Variants in SCAP observed in about 807,000 individuals in gnomAD.
The protein encoded by SCAP is SREBF chaperone.
Under a neutral mutation model 123.6 loss-of-function variants are expected in SCAP, and 65 were observed. That is an observed-to-expected ratio of 0.53 (90% CI 0.43 to 0.65). The LOEUF (loss-of-function observed/expected upper bound fraction) is 0.65, where lower values mean the gene tolerates loss of function less well. Ranked by LOEUF, SCAP falls within the 30% of genes least tolerant of loss-of-function variation. The probability of loss-of-function intolerance (pLI) is 0.00; values close to 1 mark genes in which losing one functional copy is unlikely to be tolerated. For missense variants in SCAP, 1,398 were observed against 1,712.5 expected (o/e 0.82, Z 3.24); for synonymous variants, 740 against 726.3 (o/e 1.02, Z -0.30).
intron 2 of SCAP, among the ~76,000 whole-genome samples, chr3:47,437,575 TAA>T (rs79094378): frequency 7.1e-6 from 1 of 141,564 alleles, no homozygotes. Context: ...ACGCCATCCC[TAA>T]AAAAAAAAAA....
intron 1 of SCAP, among the ~76,000 whole-genome samples, chr3:47,468,171 A>ACT (rs1263144093): frequency 6.6e-6 from 1 of 152,194 alleles, no homozygotes; most frequent in Non-Finnish European, 1.5e-5. Flanking sequence ...ATAGTGCCGT[A>ACT]ATAAACATAC....
chr3:47,420,795 G>C lies in SCAP; in HGVS notation c.1345-23C>G. The C allele has an allele frequency of 1.2e-6, 2 of 1,607,016 alleles. No individual in the cohort carries two copies. Among genetic ancestry groups the C allele is most frequent in the Non-Finnish European group, 1.7e-6 (2 of 1,176,364 alleles). ...TAGCTGTTGGGGGCACAGTGGTCAG[G>C]GCCTGAGTCCACCATCCAGAGGCTG... On this transcript the variant is annotated intron_variant, in intron 11 of 22. Transcript: ENST00000265565. The surrounding 1 kb of genome is among the most constrained non-coding windows in gnomAD (Gnocchi z 5.0).
chr3:47,415,163 A>G lies in SCAP; in HGVS notation c.3074T>C (p.Leu1025Pro), dbSNP rs146394177. The part of the protein sequence containing the change: ...FLDKRIVAAR[L>P]NGSLDFFSLE... ...GGAGAAGAAATCAAGGGAACCGTTG[A>G]GCCGTGCAGCCACAATCCTGGAAGA... Residue 1025 changes from leucine to proline, a missense_variant, in exon 19 of 23, where the codon CTC becomes CCC. Around this residue, in one of 7 missense-constraint regions of SCAP, gnomAD observed 828 missense variants for 882.5 expected, o/e 0.94. Coordinates refer to ENST00000265565, the MANE Select transcript of SCAP (RefSeq NM_012235.4). 1.6e-5 allele frequency: 25 copies of G among 1,611,978 alleles called. No homozygotes were observed. Among genetic ancestry groups the G allele is most frequent in the Non-Finnish European group, 1.9e-5 (23 of 1,179,502 alleles).
At chr3:47,463,972 C>T (rs367963303) in intron 1 of SCAP, among the ~76,000 whole-genome samples, 7 of 152,216 alleles carry the variant, frequency 4.6e-5, no homozygotes, top group Admixed American at 2.0e-4. Context: ...GCTGGGACTA[C>T]AGGCATGAGC....
intron 1 of SCAP, among the ~76,000 whole-genome samples, chr3:47,446,543 T>C (rs1707051378): frequency 6.6e-6 from 1 of 152,162 alleles, no homozygotes; most frequent in Non-Finnish European, 1.5e-5. Flanking sequence ...TTTTTTCTTT[T>C]TGTTTTCTTT....
At position 47,417,520 on chromosome 3, in the gene SCAP, C is replaced by T. The variant is rs761713487; in HGVS notation, c.2754G>A (p.Arg918=). Reference sequence around the variant, plus strand: ...CCGCCAGCCCCTCCTCCTGGTACACCCGCTGCACCAGGCAGCTGAAGTCAT... The same window carrying T: ...CCGCCAGCCCCTCCTCCTGGTACACTCGCTGCACCAGGCAGCTGAAGTCAT... ...PGYDFSCLVQ[R]VYQEEGLAAV... The change falls in exon 17 of 23, where the codon CGG becomes CGA. Residue 918 remains arginine, a synonymous_variant. Transcript: ENST00000265565. 1.3e-6 allele frequency: 2 copies of T among 1,560,010 alleles called. No individual in the cohort carries two copies. The highest frequency in any genetic ancestry group is 8.7e-7 in the Non-Finnish European group (1 of 1,152,640).
intron 3 of SCAP, among the ~76,000 whole-genome samples, chr3:47,434,261 A>G (rs992507216): frequency 2.0e-5 from 3 of 152,234 alleles, no homozygotes; most frequent in African/African-American, 7.2e-5. Context: ...CCTCAACAAC[A>G]GATTCAGCAA....
At chr3:47,453,032 G>T (rs1383485220) in intron 1 of SCAP, among the ~76,000 whole-genome samples, 1 of 151,964 alleles carries the variant, frequency 6.6e-6, no homozygotes, top group Non-Finnish European at 1.5e-5. Context: ...GGAGGTCAAG[G>T]CTACAGTAAG....
rs145416956 is a variant in SCAP at position 47,439,197 on chromosome 3, T to G, written c.122+3675A>C. 2.3e-3 allele frequency among the ~76,000 whole-genome samples: 346 copies of G among 152,154 alleles called. No individual in the cohort carries two copies. The highest frequency in any genetic ancestry group is 5.2e-3 in the South Asian group (25 of 4,816). On this transcript the variant is annotated intron_variant, in intron 2 of 22. Transcript: ENST00000265565. The surrounding 1 kb of genome is among the most constrained non-coding windows in gnomAD (Gnocchi z 4.0). ...GCTGAAGTGGGCAGGTTACTTGAGGTCAGGAGTTTGACACCAGTCTGGCCA... is the reference window on the plus strand; with the variant it reads ...GCTGAAGTGGGCAGGTTACTTGAGGGCAGGAGTTTGACACCAGTCTGGCCA...
rs1705742878 is a variant in SCAP at position 47,418,517 on chromosome 3, G to A, written c.2135C>T (p.Ala712Val). 2 of 1,590,608 alleles carry A rather than the reference G, an allele frequency of 1.3e-6. No homozygotes were observed. Among genetic ancestry groups the A allele is most frequent in the Non-Finnish European group, 1.7e-6 (2 of 1,169,594 alleles). The change falls in exon 15 of 23, where the codon GCG (alanine) becomes GTG (valine). Residue 712 changes from alanine to valine, a missense_variant. Ala to Val is a moderately conservative substitution (Grantham distance 64, BLOSUM62 0). Transcript: ENST00000265565. ...GATGCCGGTGGCCAGGCCCAGCGCC[G>A]CCACCCTGCACGGGAGGGCGGACTG... is the stretch of plus-strand genomic sequence containing the variant. The part of the protein sequence containing the change: ...AHGDVTLYKV[A>V]ALGLATGIVL...
intron 5 of SCAP, 63 bp from the exon 6 acceptor site, chr3:47,427,325 C>A: frequency 6.5e-7 from 1 of 1,538,704 alleles, no homozygotes; most frequent in Non-Finnish European, 9.0e-7. Flanking sequence ...CCACCAAGGA[C>A]CCCTTTCTCA....
chr3:47,466,154 A>AG lies in SCAP; in HGVS notation c.-99+9644_-99+9645insC, dbSNP rs1553651052. On this transcript the variant is annotated intron_variant, in intron 1 of 22. Coordinates refer to ENST00000265565, the MANE Select transcript of SCAP (RefSeq NM_012235.4). The stretch of plus-strand genomic sequence containing the variant: ...TAAAAACCAAAAAAAAAAAAAAAAA[A>AG]AAAGAAAGAAATTCTCCCCATTACT... Among the ~76,000 whole-genome samples the AG allele has an allele frequency of 0.017, 2,417 of 142,130 alleles. 169 individuals carry two copies. In the East Asian group the frequency reaches 0.23, roughly 13 times the overall value. 93.2% of individuals were successfully genotyped at this position (142,130 alleles called of 152,430 possible). A position where few individuals can be genotyped will look rare whatever the true frequency, so the allele number is the denominator to read the frequency against.
At chr3:47,444,559 C>T (rs953269662) in intron 1 of SCAP, among the ~76,000 whole-genome samples, 3 of 152,094 alleles carry the variant, frequency 2.0e-5, no homozygotes, top group South Asian at 2.1e-4. Flanking sequence ...ACTGCAACCT[C>T]TGCCTCCCAG....
chr3:47,462,792 A>T (rs1053895087), intron 1 of SCAP, among the ~76,000 whole-genome samples: 8 of 151,234 alleles, frequency 5.3e-5, no homozygotes, highest in African/African-American at 1.9e-4. Context: ...AGAAAGGAAA[A>T]CACCTACTTA....
chr3:47,438,933 T>C (rs1299320205), intron 2 of SCAP, among the ~76,000 whole-genome samples: 1 of 152,144 alleles, frequency 6.6e-6, no homozygotes, highest in Admixed American at 6.6e-5. Context: ...CTGCTTGTGC[T>C]TTCTGGCTGT....
At chr3:47,447,088 T>C (rs1287048471) in intron 1 of SCAP, among the ~76,000 whole-genome samples, 1 of 152,194 alleles carries the variant, frequency 6.6e-6, no homozygotes, top group Non-Finnish European at 1.5e-5. Context: ...CTCCATTGAA[T>C]TGCTTGGCAT....
chr3:47,414,430 C>A (rs778833633), intron 21 of SCAP, 44 bp from the exon 22 acceptor site: 1 of 1,607,702 alleles, frequency 6.2e-7, no homozygotes, highest in Admixed American at 1.7e-5. Flanking sequence ...TGGTGTAATA[C>A]CTCTGTCAAC....
rs563036746 is a variant in SCAP at position 47,417,462 on chromosome 3, G to A, written c.2812C>T (p.Pro938Ser). Reference sequence around the variant, plus strand: ...GGGGCCTGGGACAGCACCGGCCCAGGCGAGGGTGGGCGCAGGGCTGGTGTG... The same window carrying A: ...GGGGCCTGGGACAGCACCGGCCCAGACGAGGGTGGGCGCAGGGCTGGTGTG... ...VCTPALRPPS[P>S]GPVLSQAPED... The change falls in exon 17 of 23, where the codon CCT becomes TCT. Residue 938 changes from proline (P) to serine (S), a missense_variant. Physicochemically the swap from Pro to Ser is moderately conservative, Grantham distance 74. Transcript: ENST00000265565. 6.4e-7 allele frequency: 1 copy of A among 1,550,864 alleles called. No homozygotes were observed. The highest frequency in any genetic ancestry group is 8.7e-7 in the Non-Finnish European group (1 of 1,147,732).
chr3:47,473,246 G>T (rs1284474462), intron 1 of SCAP, among the ~76,000 whole-genome samples: 1 of 151,864 alleles, frequency 6.6e-6, no homozygotes, highest in African/African-American at 2.4e-5. Flanking sequence ...CTCCGTAAAG[G>T]GGGTGATAAC....
Sources: gnomAD v4.1 joint callset for allele counts (sites outside exome capture counted in the v4.1 genomes callset) on GRCh38, gnomAD v4.1.1 for gene constraint, gnomAD v4.1.1 regional missense constraint, Gnocchi (gnomAD v3.1) non-coding constraint, MANE v1.5 for transcripts, NCBI Gene and HGNC (gene_info 2026-07-23, HGNC 2026-07-21) for gene names.